ITFG1: variants seen among roughly 807,000 people sequenced by gnomAD.
ITFG1 encodes integrin alpha FG-GAP repeat containing 1, also known as T-cell immunomodulatory protein.
A neutral mutation model predicts 81.8 loss-of-function variants in ITFG1; 34 were observed. That is an observed-to-expected ratio of 0.42 (90% CI 0.32 to 0.55). ITFG1 has a LOEUF of 0.55. Ranked by LOEUF, ITFG1 falls within the 20% of genes least tolerant of loss-of-function variation. The pLI is 0.17. For synonymous variants in ITFG1, 285 were observed against 270.6 expected (o/e 1.05, Z -0.52); for missense variants, 672 against 755.4 (o/e 0.89, Z 1.29).
At position 47,439,963 on chromosome 16, in the gene ITFG1, T is replaced by C. The variant is rs1427826781; in HGVS notation, c.561-11065A>G. Among the ~76,000 whole-genome samples the C allele has an allele frequency of 3.3e-5, 5 of 152,046 alleles. No homozygotes were observed. The South Asian group carries it at 1.0e-3, about 32-fold the overall frequency. On this transcript the variant is annotated intron_variant, in intron 5 of 17. Coordinates refer to ENST00000320640, the MANE Select transcript of ITFG1 (RefSeq NM_030790.5). ...CTCATCTCACGTGCAGAGACACACA[T>C]AGGCTCAAAATAAAGGGATGGAGGA...
At chr16:47,441,756 T>C (rs1969253989) in intron 5 of ITFG1, among the ~76,000 whole-genome samples, 1 of 152,152 alleles carries the variant, frequency 6.6e-6, no homozygotes, top group African/African-American at 2.4e-5. Flanking sequence ...AGCATTCCCT[T>C]TGAAAACTGG....
At chr16:47,326,859 T>C (rs911407638) in intron 8 of ITFG1, among the ~76,000 whole-genome samples, 3 of 152,196 alleles carry the variant, frequency 2.0e-5, no homozygotes, top group Non-Finnish European at 4.4e-5. Context: ...TCCATGCTCA[T>C]GGGTAGGAAG....
chr16:47,400,786 G>T (rs1287119447), intron 6 of ITFG1, among the ~76,000 whole-genome samples: 1 of 152,136 alleles, frequency 6.6e-6, no homozygotes. Context: ...AGCTCCATGT[G>T]GCGGGAGCAC....
At chr16:47,358,780 T>G (rs1342563819) in intron 8 of ITFG1, among the ~76,000 whole-genome samples, 1 of 152,224 alleles carries the variant, frequency 6.6e-6, no homozygotes, top group Non-Finnish European at 1.5e-5. Flanking sequence ...ATAATTCATT[T>G]AATATTATTC....
chr16:47,458,425 AC>A (rs1195713201), intron 2 of ITFG1, among the ~76,000 whole-genome samples: 2 of 152,130 alleles, frequency 1.3e-5, no homozygotes, highest in East Asian at 3.9e-4. Context: ...AAGTTCCATG[AC>A]TCTGGAAGCT....
intron 6 of ITFG1, among the ~76,000 whole-genome samples, chr16:47,421,308 ACAT>A (rs750067244): frequency 7.1e-5 from 10 of 141,136 alleles, no homozygotes; most frequent in Middle Eastern, 3.5e-3. Context: ...ACACACACAT[ACAT>A]ATTTTTTTTT....
At chr16:47,421,367 G>A (rs1968947051) in intron 6 of ITFG1, among the ~76,000 whole-genome samples, 1 of 151,602 alleles carries the variant, frequency 6.6e-6, no homozygotes, top group Non-Finnish European at 1.5e-5. Flanking sequence ...GAGCAGTGGC[G>A]CGATCCTGGC....
chr16:47,400,293 G>GT (rs1968644461), intron 6 of ITFG1, among the ~76,000 whole-genome samples: 1 of 152,144 alleles, frequency 6.6e-6, no homozygotes, highest in Non-Finnish European at 1.5e-5. Flanking sequence ...GGAGGCCAAG[G>GT]TGGGGGAACT....
intron 17 of ITFG1, 66 bp from the exon 18 acceptor site, chr16:47,155,844 A>G (rs1444933974): frequency 1.7e-6 from 2 of 1,142,912 alleles, no homozygotes; most frequent in Non-Finnish European, 2.6e-6. Context: ...TCATTTCTGA[A>G]ATACACAGTG....
chr16:47,291,032 T>G (rs926285006), intron 10 of ITFG1, among the ~76,000 whole-genome samples: 3 of 152,146 alleles, frequency 2.0e-5, no homozygotes, highest in African/African-American at 7.2e-5. Flanking sequence ...CTGCTAGATC[T>G]CGGACTACCT....
chr16:47,378,675 T>A (rs1348228019), intron 6 of ITFG1, among the ~76,000 whole-genome samples: 1 of 152,174 alleles, frequency 6.6e-6, no homozygotes, highest in Non-Finnish European at 1.5e-5. Flanking sequence ...TAAAATAGAC[T>A]TTTTAAAAAT....
intron 9 of ITFG1, among the ~76,000 whole-genome samples, chr16:47,313,354 T>C (rs1596884612): frequency 6.6e-6 from 1 of 152,276 alleles, no homozygotes; most frequent in South Asian, 2.1e-4. Context: ...AAAGTCAGCA[T>C]GAGATAATAA....
At chr16:47,364,863 C>CAA (rs987726629) in intron 8 of ITFG1, among the ~76,000 whole-genome samples, 4 of 152,306 alleles carry the variant, frequency 2.6e-5, no homozygotes, top group African/African-American at 9.6e-5. Context: ...TGAATAGACT[C>CAA]AAACTACAAT....
At chr16:47,311,048 G>GAA (rs577667128) in intron 10 of ITFG1, among the ~76,000 whole-genome samples, 192 bp downstream of exon 10, 4 of 133,446 alleles carry the variant, frequency 3.0e-5, no homozygotes, top group Non-Finnish European at 4.9e-5. Context: ...ATGAATCTGT[G>GAA]AAAAAAAAAA....
At chr16:47,357,134 C>G (rs1968049979) in intron 8 of ITFG1, among the ~76,000 whole-genome samples, 1 of 151,698 alleles carries the variant, frequency 6.6e-6, no homozygotes, top group African/African-American at 2.4e-5. Context: ...CTAGGGTAGG[C>G]TTAGAGTGAC....
At chr16:47,378,958 C>T (rs963529890) in intron 6 of ITFG1, among the ~76,000 whole-genome samples, 1 of 152,136 alleles carries the variant, frequency 6.6e-6, no homozygotes, top group Non-Finnish European at 1.5e-5. Flanking sequence ...TGACATGCCA[C>T]CCAGATGCCC....
intron 14 of ITFG1, among the ~76,000 whole-genome samples, chr16:47,173,089 T>A (rs1964980301): frequency 1.3e-5 from 2 of 152,212 alleles, no homozygotes; most frequent in South Asian, 2.1e-4. Context: ...GATAACTACA[T>A]GTCTAACTCC....
At chr16:47,222,033 C>A (rs904573104) in intron 13 of ITFG1, among the ~76,000 whole-genome samples, 2 of 152,100 alleles carry the variant, frequency 1.3e-5, no homozygotes, top group African/African-American at 4.8e-5. Flanking sequence ...TTCAAAAAAA[C>A]CAGCTCCTGG....
At chr16:47,328,534 G>T (rs1302479603) in intron 8 of ITFG1, among the ~76,000 whole-genome samples, 3 of 151,986 alleles carry the variant, frequency 2.0e-5, no homozygotes, top group African/African-American at 4.8e-5. Flanking sequence ...TGATAGTTGA[G>T]AAGAAGGAAA....
Sources: allele counts gnomAD v4.1 joint callset (sites outside exome capture counted in the v4.1 genomes callset), GRCh38; gene constraint gnomAD v4.1.1; transcripts MANE v1.5; gene names NCBI Gene and HGNC (gene_info 2026-07-23, HGNC 2026-07-21).